The following VBP1 variants were observed in gnomAD, a reference collection of about 807,000 sequenced individuals.
VBP1 encodes prefoldin subunit 3.
A neutral mutation model predicts 15.5 loss-of-function variants in VBP1; 4 were observed. That is an observed-to-expected ratio of 0.26 (90% confidence interval 0.13 to 0.59). The LOEUF (loss-of-function observed/expected upper bound fraction) is 0.59. VBP1 is among the 20% of genes least tolerant of loss of function. The pLI, the probability that VBP1 is intolerant of heterozygous loss-of-function variation, is 0.90. For synonymous variants in VBP1, 61 were observed against 52.1 expected (o/e 1.17, Z -0.74); for missense variants, 108 against 139.6 (o/e 0.77, Z 1.14).
At chrX:155,235,392 T>G (rs1179610497) in intron 4 of VBP1, among the ~76,000 whole-genome samples, 1 of 111,925 alleles carries the variant, frequency 8.9e-6, no homozygotes, top group Non-Finnish European at 1.9e-5. Flanking sequence ...CATGTTGTCT[T>G]GTTTAATCCT....
At chrX:155,200,571 G>T (rs2074598877) in intron 1 of VBP1, among the ~76,000 whole-genome samples, 1 of 109,367 alleles carries the variant, frequency 9.1e-6, no homozygotes, top group South Asian at 4.0e-4. Flanking sequence ...CGAGAACAAA[G>T]ACACAACATA....
rs879971651 is a variant in VBP1, at chrX:155,228,477, T to C, written c.379T>C (p.Leu127=). 1.7e-6 allele frequency: 2 copies of C among 1,193,475 alleles called. No homozygotes were observed. The highest frequency in any genetic ancestry group is 4.5e-5 in the Admixed American group (2 of 44,910). ...VPPTDKVCLW[L]GANVMLEYDI... The stretch of plus-strand genomic sequence containing the variant: ...TCCTACCGATAAAGTGTGTCTGTGG[T>C]TGGGGGTAAGTAAATGTTATAGCCA... The change falls in exon 4 of 6, where the codon TTG becomes CTG. Residue 127 remains leucine, a synonymous_variant. Transcript: ENST00000286428.
intron 1 of VBP1, among the ~76,000 whole-genome samples, chrX:155,203,529 A>C (rs1225614461): frequency 2.0e-5 from 2 of 100,595 alleles, no homozygotes; most frequent in African/African-American, 7.4e-5. Context: ...CAAACACCGC[A>C]TGTTCTCACT....
chrX:155,202,553 A>T (rs1319357201), intron 1 of VBP1, among the ~76,000 whole-genome samples: 1 of 109,649 alleles, frequency 9.1e-6, no homozygotes, highest in Non-Finnish European at 1.9e-5. Context: ...CTGGCTAGCC[A>T]TATGTAGAAA....
Position 155,216,492 on chromosome X carries a change from G to T in VBP1, c.10G>T (p.Val4Phe), listed in dbSNP as rs1557309024. The change falls in exon 1 of 6, where the codon GTT (valine) becomes TTT (phenylalanine). Residue 4 changes from valine to phenylalanine, a missense_variant. Coordinates refer to ENST00000286428, the MANE Select transcript of VBP1 (RefSeq NM_003372.7). ...CGCTCGCATCCCCAAGATGGCGGCC[G>T]TTAAGGACAGTTGTGGCAAAGGAGA... is the stretch of plus-strand genomic sequence containing the variant. MAA[V>F]KDSCGKGEMA... The T allele has an allele frequency of 3.4e-6, 4 of 1,168,144 alleles. No individual in the cohort carries two copies. The highest frequency in any genetic ancestry group is 4.6e-6 in the Non-Finnish European group (4 of 873,454).
At chrX:155,203,363 A>T (rs1557307745) in intron 1 of VBP1, among the ~76,000 whole-genome samples, 2 of 111,018 alleles carry the variant, frequency 1.8e-5, no homozygotes, top group Non-Finnish European at 3.8e-5. Flanking sequence ...ACCAACCCAG[A>T]TGTCCAACAA....
chrX:155,202,084 C>G (rs2074606656), intron 1 of VBP1, among the ~76,000 whole-genome samples: 2 of 111,371 alleles, frequency 1.8e-5, no homozygotes, highest in South Asian at 3.8e-4. Context: ...AGGAGAACTA[C>G]AAACCACTGC....
At position 155,222,370 on chromosome X, in the gene VBP1, G is replaced by A. The variant is rs782355098; in HGVS notation, c.218+2063G>A. Among the ~76,000 whole-genome samples, 174 of 111,580 alleles carry A rather than the reference G, an allele frequency of 1.6e-3. 3 individuals carry two copies. Among genetic ancestry groups the A allele is most frequent in the Non-Finnish European group, 2.3e-3 (123 of 53,086 alleles). ...CATGCCTGTAGTTCCAGCTACTAGG[G>A]AAGCTGAGGTGAGAGTATTGCTTAA... On this transcript the variant is annotated intron_variant, in intron 2 of 5. Transcript: ENST00000286428.
chrX:155,220,376 T>C (rs1431900850), intron 2 of VBP1, 69 bp downstream of exon 2: 2 of 915,201 alleles, frequency 2.2e-6, no homozygotes, highest in African/African-American at 4.1e-5. Flanking sequence ...TGAGATATAA[T>C]TTACATATAA....
intron 2 of VBP1, among the ~76,000 whole-genome samples, chrX:155,223,971 G>A (rs1396085167): frequency 5.4e-5 from 6 of 110,347 alleles, no homozygotes; most frequent in Admixed American, 2.8e-4. Flanking sequence ...ACGGGGTGGC[G>A]GCGGGGCAGA....
intron 4 of VBP1, among the ~76,000 whole-genome samples, chrX:155,231,098 CCAGAGTAGTGCTTTTAAAACATGT>C (rs2074744043): frequency 1.8e-5 from 2 of 112,251 alleles, no homozygotes; most frequent in South Asian, 7.3e-4. Context: ...GCTTAAGCTG[CCAGAGTAGTGCTTTTAAAACATGT>C]CAGATGATTC....
intron 1 of VBP1, among the ~76,000 whole-genome samples, chrX:155,203,362 G>A (rs1315768056): frequency 1.8e-5 from 2 of 110,608 alleles, no homozygotes; most frequent in Admixed American, 9.7e-5. Context: ...AACCAACCCA[G>A]ATGTCCAACA....
intron 3 of VBP1, among the ~76,000 whole-genome samples, chrX:155,227,713 T>C (rs1041135777): frequency 3.6e-5 from 4 of 112,416 alleles, no homozygotes; most frequent in Non-Finnish European, 7.5e-5. Flanking sequence ...TGTTACAGGT[T>C]CTCATTTCAT....
chrX:155,206,238 AT>A (rs11354249), intron 1 of VBP1, among the ~76,000 whole-genome samples: 15 of 101,229 alleles, frequency 1.5e-4, no homozygotes, highest in African/African-American at 3.2e-4. Context: ...CTTGAGTAGA[AT>A]TTTTTTTTTT....
intron 4 of VBP1, among the ~76,000 whole-genome samples, chrX:155,230,216 T>C (rs1321039501): frequency 9.0e-6 from 1 of 111,409 alleles, no homozygotes; most frequent in Non-Finnish European, 1.9e-5. Flanking sequence ...TGTTGATGTG[T>C]AGAAGCATCA....
chrX:155,232,782 T>A (rs2074753419), intron 4 of VBP1, among the ~76,000 whole-genome samples: 1 of 113,015 alleles, frequency 8.8e-6, no homozygotes, highest in African/African-American at 3.2e-5. Context: ...AACATATGCA[T>A]TGCCTATGCC....
chrX:155,205,440 G>A lies in VBP1; in HGVS notation c.-30-3434G>A, dbSNP rs1015373724. Among the ~76,000 whole-genome samples the A allele has an allele frequency of 4.5e-5, 5 of 111,793 alleles. No homozygotes were observed. In the East Asian group the frequency reaches 1.4e-3, roughly 31 times the overall value. On this transcript the variant is annotated intron_variant, in intron 1 of 6. Transcript: ENST00000535916. ...ATCCTTCCAGTTGCTCAGGCCAAAA[G>A]CCTTGCAGTCCTCCTTAATACATCT...
At chrX:155,212,310 C>T (rs2074647783), upstream of VBP1, among the ~76,000 whole-genome samples, 1 of 111,998 alleles carries the variant, frequency 8.9e-6, no homozygotes, top group South Asian at 3.7e-4. Context: ...AACCTTTTTA[C>T]ATCCATGCTT....
chrX:155,235,845 A>G (rs2074769910), intron 4 of VBP1, among the ~76,000 whole-genome samples: 1 of 112,184 alleles, frequency 8.9e-6, no homozygotes, highest in Non-Finnish European at 1.9e-5. Flanking sequence ...CCATTTACCC[A>G]CTAGCTATGC....
Sources: allele counts gnomAD v4.1 joint callset (sites outside exome capture counted in the v4.1 genomes callset), GRCh38; gene constraint gnomAD v4.1.1; transcripts MANE v1.5; gene names NCBI Gene and HGNC (gene_info 2026-07-23, HGNC 2026-07-21).